The following CLN6 variants were observed in gnomAD, a reference collection of about 807,000 sequenced individuals.
The protein encoded by CLN6 is CLN6 transmembrane ER protein.
Under a neutral mutation model 33.3 loss-of-function variants are expected in CLN6, and 22 were observed. The observed-to-expected ratio is 0.66, with a 90% CI of 0.47 to 0.94. CLN6 has a LOEUF of 0.94. CLN6 is among the 40% of genes least tolerant of loss of function. CLN6 has a pLI of 0.00. For synonymous variants in CLN6, 201 were observed against 174.6 expected, an observed-to-expected ratio of 1.15 and a Z score of -1.19; for missense variants, 387 against 417.1, an observed-to-expected ratio of 0.93 and a Z score of 0.63.
Position 68,227,935 on chromosome 15 carries a change from C to T in CLN6, c.83+1567G>A, listed in dbSNP as rs1415016126. 6.6e-6 allele frequency among the ~76,000 whole-genome samples: 1 copy of T among 152,166 alleles called. No individual in the cohort carries two copies. Among genetic ancestry groups the T allele is most frequent in the Non-Finnish European group, 1.5e-5 (1 of 68,034 alleles). ...ACTTGGCAAGGATTCGGAACAGAGA[C>T]ATCCCGCAGGCAGAAGAGGCTGCCT... On this transcript the variant is annotated intron_variant, in intron 1 of 6. Coordinates refer to ENST00000249806, the MANE Select transcript of CLN6 (RefSeq NM_017882.3). The surrounding 1 kb of genome is among the most constrained non-coding windows in gnomAD (Gnocchi z 4.1).
intron 1 of CLN6, among the ~76,000 whole-genome samples, chr15:68,252,965 G>A (rs767985247): frequency 6.6e-6 from 1 of 152,228 alleles, no homozygotes; most frequent in Non-Finnish European, 1.5e-5. Flanking sequence ...GGGAATACAG[G>A]TGGATGCATG....
At chr15:68,235,198 A>C (rs1182297832) in intron 1 of CLN6, among the ~76,000 whole-genome samples, 1 of 152,148 alleles carries the variant, frequency 6.6e-6, no homozygotes, top group Non-Finnish European at 1.5e-5. Flanking sequence ...ACTCAGGTAC[A>C]AAGAAGCTGA....
At chr15:68,250,302 G>T (rs529733946) in intron 1 of CLN6, among the ~76,000 whole-genome samples, 15 of 151,654 alleles carry the variant, frequency 9.9e-5, no homozygotes, top group Middle Eastern at 3.4e-3. Context: ...ATAGCTATGG[G>T]ATAAATTGAA....
rs1567096607 is a variant in CLN6, at chr15:68,214,345, A to G, written c.242T>C (p.Val81Ala). The G allele has an allele frequency of 6.2e-7, 1 of 1,614,134 alleles. No individual in the cohort carries two copies. Among genetic ancestry groups the G allele is most frequent in the Middle Eastern group, 1.6e-4 (1 of 6,062 alleles). The change falls in exon 3 of 7, where the codon GTT becomes GCT. Residue 81 changes from valine (V) to alanine (A), a missense_variant. Coordinates refer to ENST00000249806, the MANE Select transcript of CLN6 (RefSeq NM_017882.3). ...LEWFPLNKPS[V>A]GDYFHMAYNV... ...GTAGGCCATGTGGAAGTAGTCCCCA[A>G]CACTGGGCTTGTTGAGTGGAAACCA...
At position 68,211,791 on chromosome 15, in the gene CLN6, C is replaced by A. The variant is rs1046423746; in HGVS notation, c.370G>T (p.Ala124Ser). The change falls in exon 4 of 7, where the codon GCC becomes TCC. Residue 124 changes from alanine (A) to serine (S), a missense_variant. Physicochemically the swap from Ala to Ser is moderately conservative, Grantham distance 99. Coordinates refer to ENST00000249806, the MANE Select transcript of CLN6 (RefSeq NM_017882.3). This position sits in a 1 kb window ranked among gnomAD's most constrained non-coding sequence, Gnocchi z 5.9. ...YVSIIIFIMG[A>S]SIHLVGDSVN... is the part of the protein sequence containing the mutation. ...GAGTCACCCACCAGGTGGATGCTGG[C>A]ACCCATGATGAAGATGATGATGCTC... is the stretch of plus-strand genomic sequence containing the variant. 1.9e-6 allele frequency: 3 copies of A among 1,613,938 alleles called. No individual in the cohort carries two copies. The highest frequency in any genetic ancestry group is 1.7e-6 in the Non-Finnish European group (2 of 1,180,010).
upstream of CLN6, chr15:68,229,772 A>AGGGAGGCGGG (rs1555440260): frequency 1.6e-3 from 421 of 268,854 alleles, 4 homozygotes; most frequent in African/African-American, 9.4e-3. Context: ...AGCGGAGCGG[A>AGGGAGGCGGG]GCGGAGGGAG....
rs1048000119 is a variant in CLN6 at position 68,229,549 on chromosome 15, C to T, written c.36G>A (p.Ala12=). 5.4e-6 allele frequency: 8 copies of T among 1,468,518 alleles called. No homozygotes were observed. In the African/African-American group the frequency reaches 1.2e-4, roughly 22 times the overall value. 91.0% of individuals were successfully genotyped at this position (1,468,518 alleles called of 1,614,324 possible). The change falls in exon 1 of 7, where the codon GCG becomes GCA. Residue 12 remains alanine (A), a synonymous_variant. Coordinates refer to ENST00000249806, the MANE Select transcript of CLN6 (RefSeq NM_017882.3). ...EATRRRQHLG[A]TGGPGAQLGA... ...CCAGCTGCGCGCCTGGGCCGCCCGT[C>T]GCTCCCAGGTGCTGCCGCCTCCGCG...
rs2093227189 is a variant in CLN6, at chr15:68,218,633, G to C, written c.101C>G (p.Ala34Gly). ...GGGAGCCGTGCGGGCAGCCTCATCAGCGCTCACAGAGCCATGCCTGGGAAG... is the reference window on the plus strand; with the variant it reads ...GGGAGCCGTGCGGGCAGCCTCATCACCGCTCACAGAGCCATGCCTGGGAAG... ...FLQARHGSVS[A>G]DEAARTAPFH... The change falls in exon 2 of 7, where the codon GCT becomes GGT. Residue 34 changes from alanine to glycine, a missense_variant. Ala to Gly is a moderately conservative substitution (Grantham distance 60). Transcript: ENST00000249806. The C allele has an allele frequency of 6.2e-7, 1 of 1,613,522 alleles. No homozygotes were observed. Among genetic ancestry groups the C allele is most frequent in the African/African-American group, 1.3e-5 (1 of 74,886 alleles).
In CLN6 at chr15:68,246,013, A is replaced by T. The variant is rs1417012809; in HGVS notation, c.179+10677T>A. On this transcript the variant is annotated intron_variant, in intron 1 of 6. Coordinates refer to the CLN6 transcript ENST00000538696. The surrounding 1 kb of genome is among the most constrained non-coding windows in gnomAD (Gnocchi z 4.5). ...ATAAAGGGGTCAGTTTAGCAAGAGG[A>T]TATAACAATTATAAGTATCTATGCA... 2.0e-5 allele frequency among the ~76,000 whole-genome samples: 3 copies of T among 152,198 alleles called. No individual in the cohort carries two copies. Among genetic ancestry groups the T allele is most frequent in the African/African-American group, 7.2e-5 (3 of 41,432 alleles).
chr15:68,207,916 A>G lies in CLN6; in HGVS notation c.*224T>C, dbSNP rs886051442. 17 of 599,876 alleles carry G rather than the reference A, an allele frequency of 2.8e-5. No individual in the cohort carries two copies. The South Asian group carries it at 3.2e-4, about 11-fold the overall frequency. The allele number at this position is 599,876 out of a possible 1,614,324, so 37.2% of individuals were successfully genotyped here. On this transcript the variant is annotated 3_prime_UTR_variant, in exon 7 of 7. Coordinates refer to ENST00000249806, the MANE Select transcript of CLN6 (RefSeq NM_017882.3). Reference sequence around the variant, plus strand: ...ATCCGATCCTGAGATGATCCAAATCAAACAGAAACTTGACGGAAATAGTAG... The same window carrying G: ...ATCCGATCCTGAGATGATCCAAATCGAACAGAAACTTGACGGAAATAGTAG...
chr15:68,214,173 C>T, intron 3 of CLN6, 117 bp downstream of exon 3: 3 of 801,762 alleles, frequency 3.7e-6, no homozygotes, highest in South Asian at 1.5e-5. Flanking sequence ...ACAGCCTTCA[C>T]CCCCCAGCAG....
In CLN6 at chr15:68,211,221, T is replaced by A. The variant is rs770328349; in HGVS notation, c.542+42A>T. 6.3e-7 allele frequency: 1 copy of A among 1,582,004 alleles called. No individual in the cohort carries two copies. The highest frequency in any genetic ancestry group is 1.1e-5 in the South Asian group (1 of 90,428). ...CTGAGCCAGTGACAGGGCTAGCCGGTAGTTGGGGCCCCTGGGATAGACAGA... is the reference window on the plus strand; with the variant it reads ...CTGAGCCAGTGACAGGGCTAGCCGGAAGTTGGGGCCCCTGGGATAGACAGA... On this transcript the variant is annotated intron_variant, in intron 5 of 6. Coordinates refer to ENST00000249806, the MANE Select transcript of CLN6 (RefSeq NM_017882.3). This position sits in a 1 kb window ranked among gnomAD's most constrained non-coding sequence, Gnocchi z 5.9.
chr15:68,234,485 A>C (rs1168418908), upstream of CLN6, among the ~76,000 whole-genome samples: 1 of 152,156 alleles, frequency 6.6e-6, no homozygotes, highest in African/African-American at 2.4e-5. The surrounding 1 kb of genome is among the most constrained non-coding windows in gnomAD (Gnocchi z 4.1). Flanking sequence ...CAAAAGCCCT[A>C]ATATAGGGCT....
intron 1 of CLN6, among the ~76,000 whole-genome samples, chr15:68,224,073 C>A (rs2093245255): frequency 1.3e-5 from 2 of 148,458 alleles, no homozygotes; most frequent in East Asian, 3.9e-4. Flanking sequence ...ACAACAACAA[C>A]AACAAAAAAC....
rs370321863 is a variant in CLN6 at position 68,218,667 on chromosome 15, C to T, written c.84-17G>A. On this transcript the variant is annotated splice_polypyrimidine_tract_variant and intron_variant, in intron 1 of 6. Transcript: ENST00000249806. Reference sequence around the variant, plus strand: ...GAGCCATGCCTGGGAAGGAACCAGACGAGAGAAGTCAGCTCTTCTCTCCTC... The same window carrying T: ...GAGCCATGCCTGGGAAGGAACCAGATGAGAGAAGTCAGCTCTTCTCTCCTC... The T allele has an allele frequency of 3.9e-5, 62 of 1,593,116 alleles. 1 individual carries two copies. The highest frequency in any genetic ancestry group is 1.9e-4 in the South Asian group (17 of 90,640).
upstream of CLN6, among the ~76,000 whole-genome samples, chr15:68,233,631 G>A (rs1318200562): frequency 6.6e-6 from 1 of 152,194 alleles, no homozygotes; most frequent in Non-Finnish European, 1.5e-5. This position sits in a 1 kb window ranked among gnomAD's most constrained non-coding sequence, Gnocchi z 4.3. Flanking sequence ...GAAGGCCCCT[G>A]CTAGACTGCA....
At chr15:68,237,819 AG>A (rs1892235689) in intron 1 of CLN6, among the ~76,000 whole-genome samples, 2 of 152,240 alleles carry the variant, frequency 1.3e-5, no homozygotes, top group Admixed American at 1.3e-4. Flanking sequence ...AAAGAAAGAC[AG>A]CACATATCAA....
intron 2 of CLN6, 54 bp from the exon 3 acceptor site, chr15:68,214,442 C>T (rs1057251911): frequency 9.7e-5 from 137 of 1,405,316 alleles, no homozygotes; most frequent in Non-Finnish European, 1.3e-4. Context: ...ACGCGGCCCT[C>T]GGGCCTCAAG....
chr15:68,229,402 C>T, intron 1 of CLN6, 100 bp downstream of exon 1: 3 of 961,316 alleles, frequency 3.1e-6, no homozygotes, highest in South Asian at 1.8e-5. Context: ...GCGCCGCACA[C>T]GAGGTTCCCG....
Sources: allele counts gnomAD v4.1 joint callset (sites outside exome capture counted in the v4.1 genomes callset), GRCh38; gene constraint gnomAD v4.1.1; non-coding constraint Gnocchi (gnomAD v3.1); transcripts MANE v1.5; gene names NCBI Gene and HGNC (gene_info 2026-07-23, HGNC 2026-07-21).